DIAPH3: variants seen among roughly 807,000 people sequenced by gnomAD.
DIAPH3 encodes protein diaphanous homolog 3.
Under a neutral mutation model 144.3 loss-of-function variants are expected in DIAPH3, and 117 were observed. That is an observed-to-expected ratio of 0.81 (90% CI 0.70 to 0.95). The LOEUF (loss-of-function observed/expected upper bound fraction) is 0.95. DIAPH3 is among the 40% of genes least tolerant of loss of function. The probability of loss-of-function intolerance (pLI) is 0.00; values close to 1 mark genes in which losing one functional copy is unlikely to be tolerated. For synonymous variants in DIAPH3, 519 were observed against 488.9 expected (o/e 1.06, Z -0.81); for missense variants, 1,421 against 1,412.7 (o/e 1.01, Z -0.09).
intron 17 of DIAPH3, among the ~76,000 whole-genome samples, chr13:59,959,492 G>A (rs2049616489): frequency 2.0e-5 from 3 of 152,156 alleles, no homozygotes; most frequent in Non-Finnish European, 2.9e-5. Flanking sequence ...ACCCAGGTGG[G>A]CCCAATTTAA....
intron 1 of DIAPH3, among the ~76,000 whole-genome samples, chr13:60,153,889 G>A (rs1367329912): frequency 1.3e-5 from 2 of 151,402 alleles, no homozygotes; most frequent in African/African-American, 2.4e-5. Context: ...TCCTTTATAC[G>A]TTTTTTTGTA....
intron 1 of DIAPH3, chr13:60,153,429 C>T (rs1489272301): frequency 6.6e-6 from 1 of 152,098 alleles, no homozygotes; most frequent in East Asian, 1.9e-4. Flanking sequence ...TCTACATCCT[C>T]AAGCCAACAC....
chr13:60,013,022 ACT>A (rs999975210), intron 7 of DIAPH3: 3 of 985,250 alleles, frequency 3.0e-6, no homozygotes, highest in Admixed American at 6.2e-5. Flanking sequence ...AAAACTGTTG[ACT>A]CTGTGTGAGA....
At position 59,991,955 on chromosome 13, in the gene DIAPH3, G is replaced by T. The variant is rs1439167216; in HGVS notation, c.1244+113C>A. ...TAATAACATTCTTCTGATGCATGAA[G>T]GTTTGATTTCATGTTGTTTATATAG... On this transcript the variant is annotated intron_variant, in intron 11 of 27. Transcript: ENST00000400324. 2.6e-5 allele frequency: 22 copies of T among 834,884 alleles called. No homozygotes were observed. The East Asian group carries it at 5.5e-4, about 21-fold the overall frequency. The allele number at this position is 834,884 out of a possible 1,614,324, so 51.7% of individuals were successfully genotyped here.
At chr13:59,890,356 G>C (rs1340666772) in intron 20 of DIAPH3, among the ~76,000 whole-genome samples, 1 of 152,018 alleles carries the variant, frequency 6.6e-6, no homozygotes, top group African/African-American at 2.4e-5. Flanking sequence ...CAAGCCAAAG[G>C]CTGAGTATTC....
intron 27 of DIAPH3, among the ~76,000 whole-genome samples, chr13:59,744,584 ATTC>A (rs1332167993): frequency 5.9e-5 from 9 of 152,140 alleles, no homozygotes; most frequent in Non-Finnish European, 7.3e-5. Flanking sequence ...GCCCAAGACA[ATTC>A]TTCTTCTTCC....
chr13:60,006,832 C>T (rs1342426977), intron 9 of DIAPH3, among the ~76,000 whole-genome samples: 3 of 152,098 alleles, frequency 2.0e-5, no homozygotes, highest in Admixed American at 1.3e-4. Context: ...TCCCAGACCT[C>T]GAAGCCAATG....
intron 21 of DIAPH3, among the ~76,000 whole-genome samples, chr13:59,872,624 T>C (rs1201840065): frequency 6.6e-6 from 1 of 152,194 alleles, no homozygotes; most frequent in African/African-American, 2.4e-5. Flanking sequence ...TGCAGACCCT[T>C]GATAAAGGAG....
intron 1 of DIAPH3, among the ~76,000 whole-genome samples, chr13:60,142,373 G>A (rs2059442578): frequency 1.3e-5 from 2 of 152,002 alleles, no homozygotes; most frequent in Admixed American, 6.6e-5. Flanking sequence ...AGCCAATAAA[G>A]GCAATTTTTG....
At chr13:59,990,501 G>A (rs2051739793) in intron 12 of DIAPH3, among the ~76,000 whole-genome samples, 1 of 151,892 alleles carries the variant, frequency 6.6e-6, no homozygotes, top group Non-Finnish European at 1.5e-5. Context: ...GAAATGGAAA[G>A]TAGATATAGA....
chr13:60,153,161 A>G (rs1435621874), intron 1 of DIAPH3, among the ~76,000 whole-genome samples: 4 of 152,132 alleles, frequency 2.6e-5, no homozygotes, highest in Non-Finnish European at 5.9e-5. Flanking sequence ...ATGACACAAT[A>G]GATTTTCACA....
intron 18 of DIAPH3, among the ~76,000 whole-genome samples, chr13:59,920,591 T>G (rs2047460198): frequency 6.6e-6 from 1 of 151,444 alleles, no homozygotes; most frequent in Non-Finnish European, 1.5e-5. Flanking sequence ...CCAAAGCATC[T>G]AAATATACAA....
At chr13:59,811,606 G>A (rs1160768814) in intron 24 of DIAPH3, among the ~76,000 whole-genome samples, 2 of 151,592 alleles carry the variant, frequency 1.3e-5, no homozygotes, top group South Asian at 4.2e-4. Flanking sequence ...GTGTGGTGGC[G>A]GGTGCCTGTA....
chr13:60,147,916 C>T lies in DIAPH3; in HGVS notation c.181-14927G>A, dbSNP rs548819101. The stretch of plus-strand genomic sequence containing the variant: ...GGATAAAACAGAGTAGACCCAAGAA[C>T]GAGAGCCAAGGAAATCAGTTAGGAA... On this transcript the variant is annotated intron_variant, in intron 1 of 27. Transcript: ENST00000400324. Among the ~76,000 whole-genome samples the T allele has an allele frequency of 1.1e-3, 159 of 144,642 alleles. 1 individual carries two copies. Among genetic ancestry groups the T allele is most frequent in the South Asian group, 9.3e-3 (40 of 4,310 alleles). 94.9% of individuals were successfully genotyped at this position (144,642 alleles called of 152,430 possible).
At chr13:59,777,307 A>T (rs2038470612) in intron 25 of DIAPH3, among the ~76,000 whole-genome samples, 1 of 152,206 alleles carries the variant, frequency 6.6e-6, no homozygotes, top group Non-Finnish European at 1.5e-5. Context: ...TGGGAATGGG[A>T]TTATTGCACA....
intron 2 of DIAPH3, among the ~76,000 whole-genome samples, chr13:60,123,296 G>C (rs557328662): frequency 1.3e-5 from 2 of 152,210 alleles, no homozygotes; most frequent in East Asian, 1.9e-4. Context: ...GCACCCAGAC[G>C]ACAGAGACCT....
intron 4 of DIAPH3, among the ~76,000 whole-genome samples, chr13:60,058,351 C>G (rs1232874173): frequency 6.6e-6 from 1 of 151,942 alleles, no homozygotes; most frequent in Non-Finnish European, 1.5e-5. Flanking sequence ...TACTGCATTA[C>G]TCAGCTAGAA....
At chr13:59,982,505 A>G (rs893881940) in intron 13 of DIAPH3, among the ~76,000 whole-genome samples, 1 of 151,334 alleles carries the variant, frequency 6.6e-6, no homozygotes, top group Admixed American at 6.6e-5. Context: ...TTCACTAATT[A>G]TATTTCATTC....
rs2050947780 is a variant in DIAPH3 at position 59,980,719 on chromosome 13, A to G, written c.1545+76T>C. 4.5e-6 allele frequency: 6 copies of G among 1,324,546 alleles called. No homozygotes were observed. The East Asian group carries it at 1.4e-4, about 31-fold the overall frequency. 82.0% of individuals were successfully genotyped at this position (1,324,546 alleles called of 1,614,324 possible). A position where few individuals can be genotyped will look rare whatever the true frequency, so the allele number is the denominator to read the frequency against. On this transcript the variant is annotated intron_variant, in intron 14 of 27. Transcript: ENST00000400324. ...GATAAAGAAGAAAGAACGAATAACA[A>G]GCAAATTCCCTGAGGCAGAAGCATG...
Sources: gnomAD v4.1 joint callset for allele counts (sites outside exome capture counted in the v4.1 genomes callset) on GRCh38, gnomAD v4.1.1 for gene constraint, MANE v1.5 for transcripts, NCBI Gene and HGNC (gene_info 2026-07-23, HGNC 2026-07-21) for gene names.